NEDD9: variants seen among roughly 807,000 people sequenced by gnomAD.
The protein encoded by NEDD9 is enhancer of filamentation 1.
A neutral mutation model predicts 76.6 loss-of-function variants in NEDD9; 26 were observed. That is an observed-to-expected ratio of 0.34 (90% CI 0.25 to 0.47). The LOEUF (loss-of-function observed/expected upper bound fraction) is 0.47. Among genes scored for constraint, NEDD9 ranks in the 20% least tolerant of loss-of-function variants. The pLI is 1.00. For synonymous variants in NEDD9, 392 were observed against 414.2 expected, an observed-to-expected ratio of 0.95 and a Z score of 0.65; for missense variants, 937 against 1,058.5, an observed-to-expected ratio of 0.89 and a Z score of 1.59.
chr6:11,234,500 A>C (rs1172764388), upstream of NEDD9, among the ~76,000 whole-genome samples: 1 of 152,106 alleles, frequency 6.6e-6, no homozygotes, highest in Non-Finnish European at 1.5e-5. Context: ...ACAGTTTCCT[A>C]AAGTTTGTGC....
At chr6:11,302,055 C>CA (rs551703690) in intron 3 of NEDD9, among the ~76,000 whole-genome samples, 31 of 151,756 alleles carry the variant, frequency 2.0e-4, no homozygotes, top group African/African-American at 6.5e-4. Context: ...AAAAACCCTT[C>CA]AAAAAATCAA....
intron 1 of NEDD9, among the ~76,000 whole-genome samples, chr6:11,223,955 G>C (rs1398833392): frequency 6.6e-6 from 1 of 152,228 alleles, no homozygotes; most frequent in Admixed American, 6.5e-5. Flanking sequence ...AGCAGCCCTT[G>C]ATGACAGTCT....
chr6:11,339,812 T>A (rs1762238909), intron 1 of NEDD9, among the ~76,000 whole-genome samples: 1 of 152,220 alleles, frequency 6.6e-6, no homozygotes, highest in African/African-American at 2.4e-5. Context: ...TAAATTCTCA[T>A]AGAAACAACT....
intron 3 of NEDD9, among the ~76,000 whole-genome samples, chr6:11,275,277 T>A (rs1760392391): frequency 1.3e-5 from 2 of 152,120 alleles, no homozygotes; most frequent in African/African-American, 2.4e-5. Flanking sequence ...TGAGGAAATG[T>A]TAGTAAAAGG....
intron 3 of NEDD9, among the ~76,000 whole-genome samples, chr6:11,300,042 G>T (rs541648759): frequency 6.6e-6 from 1 of 152,124 alleles, no homozygotes; most frequent in East Asian, 1.9e-4. Flanking sequence ...GCTTCAGAAG[G>T]TCTGTGATAA....
chr6:11,307,663 A>G (rs114796789), intron 2 of NEDD9, among the ~76,000 whole-genome samples: 11,880 of 152,204 alleles, frequency 0.078, 595 homozygotes, highest in Admixed American at 0.16. Flanking sequence ...CACACATGTC[A>G]TTAATTCTTT....
intron 3 of NEDD9, among the ~76,000 whole-genome samples, chr6:11,249,649 G>A (rs914723603): frequency 2.0e-5 from 3 of 152,190 alleles, no homozygotes; most frequent in African/African-American, 4.8e-5. Flanking sequence ...ATGGGTATTA[G>A]AGGATGACTG....
intron 3 of NEDD9, among the ~76,000 whole-genome samples, chr6:11,260,883 C>T (rs139419753): frequency 2.8e-5 from 4 of 144,286 alleles, no homozygotes; most frequent in East Asian, 2.0e-4. Flanking sequence ...TGTGTGAGCA[C>T]GTGTGTGAGC....
At chr6:11,311,846 G>C (rs1290274497) in intron 2 of NEDD9, among the ~76,000 whole-genome samples, 1 of 152,000 alleles carries the variant, frequency 6.6e-6, no homozygotes, top group Admixed American at 6.6e-5. Flanking sequence ...CTCACCAACC[G>C]GGCTCTTCCC....
intron 3 of NEDD9, among the ~76,000 whole-genome samples, chr6:11,238,868 T>C (rs1759657824): frequency 6.6e-6 from 1 of 152,204 alleles, no homozygotes; most frequent in African/African-American, 2.4e-5. Flanking sequence ...CCGTTTAAAG[T>C]GATCTTCATG....
At chr6:11,222,948 TAGG>T (rs1674008201) in intron 1 of NEDD9, among the ~76,000 whole-genome samples, 1 of 152,244 alleles carries the variant, frequency 6.6e-6, no homozygotes, top group African/African-American at 2.4e-5. Context: ...GCTTCTCAAC[TAGG>T]AGGATTTTTG....
intron 1 of NEDD9, among the ~76,000 whole-genome samples, chr6:11,368,859 C>CAATA (rs1762812209): frequency 6.6e-6 from 1 of 152,182 alleles, no homozygotes; most frequent in Non-Finnish European, 1.5e-5. Flanking sequence ...TCCTCCTCTT[C>CAATA]CTCCCACTAG....
At chr6:11,231,180 A>G (rs1759459695) in intron 1 of NEDD9, among the ~76,000 whole-genome samples, 1 of 152,190 alleles carries the variant, frequency 6.6e-6, no homozygotes, top group African/African-American at 2.4e-5. Context: ...GTTGCATCCT[A>G]AAGTCAAATA....
intron 1 of NEDD9, among the ~76,000 whole-genome samples, chr6:11,231,300 G>A (rs1385827125): frequency 1.3e-5 from 2 of 152,152 alleles, no homozygotes; most frequent in South Asian, 2.1e-4. Context: ...CAGTGGTAAC[G>A]TAGGCATTAC....
At chr6:11,201,078 T>C in intron 2 of NEDD9, 1 of 1,613,946 alleles carries the variant, frequency 6.2e-7, no homozygotes, top group South Asian at 1.1e-5. Flanking sequence ...TCAAGACAAG[T>C]TCTGCTCACA....
chr6:11,195,107 C>T (rs543477418), intron 2 of NEDD9, among the ~76,000 whole-genome samples: 19 of 152,354 alleles, frequency 1.2e-4, no homozygotes, highest in African/African-American at 3.1e-4. Flanking sequence ...AAATGCTCCA[C>T]GTCCATCTTA....
At chr6:11,262,090 A>T (rs2142741) in intron 3 of NEDD9, among the ~76,000 whole-genome samples, 1 of 151,980 alleles carries the variant, frequency 6.6e-6, no homozygotes. Flanking sequence ...TAGAAAATTG[A>T]TGCCAAACAT....
chr6:11,309,462 G>A (rs1761300349), intron 2 of NEDD9, among the ~76,000 whole-genome samples: 1 of 152,002 alleles, frequency 6.6e-6, no homozygotes, highest in Non-Finnish European at 1.5e-5. Context: ...TTGTTTCTTT[G>A]TGTTGCCCAG....
chr6:11,216,104 C>T (rs1758945891), intron 1 of NEDD9, among the ~76,000 whole-genome samples: 2 of 152,208 alleles, frequency 1.3e-5, no homozygotes. Flanking sequence ...CTCAGAGCCC[C>T]ACAGTCTGGG....
Sources: allele counts gnomAD v4.1 joint callset (sites outside exome capture counted in the v4.1 genomes callset), GRCh38; gene constraint gnomAD v4.1.1; transcripts MANE v1.5; gene names NCBI Gene and HGNC (gene_info 2026-07-23, HGNC 2026-07-21).